Variants in SLC2A9 observed in about 807,000 individuals in gnomAD.
SLC2A9 encodes the protein solute carrier family 2, facilitated glucose transporter member 9.
In SLC2A9, 39 loss-of-function variants were observed where a neutral mutation model predicts 50.6. The observed-to-expected ratio is 0.77, with a 90% CI of 0.60 to 1.01. The LOEUF (loss-of-function observed/expected upper bound fraction) is 1.01. Ranked by LOEUF, SLC2A9 falls within the 50% of genes least tolerant of loss-of-function variation. The probability of loss-of-function intolerance (pLI) is 0.00; values close to 1 mark genes in which losing one functional copy is unlikely to be tolerated. For missense variants in SLC2A9, 686 were observed against 677.6 expected (o/e 1.01, Z -0.14); for synonymous variants, 324 against 276.9 (o/e 1.17, Z -1.69).
At chr4:9,851,826 A>C in intron 10 of SLC2A9, among the ~76,000 whole-genome samples, 1 of 152,240 alleles carries the variant, frequency 6.6e-6, no homozygotes. Flanking sequence ...AAAATCTCAG[A>C]GCTTGAAGAC....
downstream of SLC2A9, among the ~76,000 whole-genome samples, chr4:9,778,812 T>C (rs116731960): frequency 0.02 from 3,054 of 152,184 alleles, 103 homozygotes; most frequent in African/African-American, 0.07. Context: ...GTTTCTTTTT[T>C]TTTCTTTCTT....
Position 9,853,181 on chromosome 4 carries a change from A to G in SLC2A9, c.1292-18173T>C, listed in dbSNP as rs564868716. On this transcript the variant is annotated intron_variant, in intron 10 of 11. Coordinates refer to ENST00000264784, the MANE Select transcript of SLC2A9 (RefSeq NM_020041.3). ...ACAGAGTGAAACTCCCTCTCAAAAAAAAAAAAAAAAAAGGCACAGAGTGAC... is the reference window on the plus strand; with the variant it reads ...ACAGAGTGAAACTCCCTCTCAAAAAGAAAAAAAAAAAAGGCACAGAGTGAC... 6.6e-5 allele frequency among the ~76,000 whole-genome samples: 10 copies of G among 151,802 alleles called. No homozygotes were observed. In the South Asian group the frequency reaches 2.1e-3, roughly 31 times the overall value.
At chr4:10,001,881 G>A (rs1367731379) in intron 2 of SLC2A9, among the ~76,000 whole-genome samples, 6 of 152,174 alleles carry the variant, frequency 3.9e-5, no homozygotes, top group African/African-American at 1.4e-4. Flanking sequence ...GGGAAACAAA[G>A]GACACATAAC....
rs117301982 is a variant in SLC2A9, at chr4:9,904,392, C to T, written c.1113+3843G>A. 3.8e-3 allele frequency among the ~76,000 whole-genome samples: 575 copies of T among 152,276 alleles called. 6 individuals are homozygous for T. The highest frequency in any genetic ancestry group is 0.017 in the South Asian group (81 of 4,822). On this transcript the variant is annotated intron_variant, in intron 8 of 11. Coordinates refer to ENST00000264784, the MANE Select transcript of SLC2A9 (RefSeq NM_020041.3). ...TTCAAAGCTGGCAATGGCGTCACTC[C>T]TGCCTCTGCTTCCACCATCACATCT...
At chr4:9,948,898 CT>C (rs2108825726) in intron 5 of SLC2A9, among the ~76,000 whole-genome samples, 1 of 152,340 alleles carries the variant, frequency 6.6e-6, no homozygotes, top group East Asian at 1.9e-4. Flanking sequence ...GATTCCAAAT[CT>C]TCATGTCCAT....
downstream of SLC2A9, among the ~76,000 whole-genome samples, chr4:9,795,479 G>T (rs1185781995): frequency 6.6e-6 from 1 of 152,138 alleles, no homozygotes; most frequent in African/African-American, 2.4e-5. Flanking sequence ...TCAATCTTAT[G>T]CCCCAAGTCC....
At chr4:9,786,124 T>C (rs575623570) in intron 3 of SLC2A9, among the ~76,000 whole-genome samples, 99 of 152,242 alleles carry the variant, frequency 6.5e-4, no homozygotes, top group East Asian at 4.6e-3. Flanking sequence ...ATAGGATTAA[T>C]GTTAATTGCT....
At chr4:10,025,314 G>A (rs376459362), upstream of SLC2A9, among the ~76,000 whole-genome samples, 46 of 152,088 alleles carry the variant, frequency 3.0e-4, no homozygotes, top group African/African-American at 2.7e-4. Flanking sequence ...TCAGTTCATC[G>A]CCTGTAAAAT....
intron 5 of SLC2A9, among the ~76,000 whole-genome samples, chr4:9,942,303 C>A (rs751932238): frequency 6.6e-6 from 1 of 152,200 alleles, no homozygotes; most frequent in Admixed American, 6.5e-5. Context: ...GAAAAGCAGG[C>A]GGCTCTGGTT....
intron 3 of SLC2A9, among the ~76,000 whole-genome samples, chr4:9,989,746 CA>C (rs1757362660): frequency 6.6e-6 from 1 of 152,106 alleles, no homozygotes; most frequent in African/African-American, 2.4e-5. Flanking sequence ...CCCTCGCCTG[CA>C]AAGTCCTCAG....
intron 1 of SLC2A9, chr4:10,036,279 C>T (rs949890705): frequency 4.6e-5 from 7 of 152,094 alleles, no homozygotes; most frequent in Admixed American, 6.5e-5. Context: ...TACACATTTC[C>T]GTAAACCTGA....
At chr4:9,903,750 G>A (rs987383672) in intron 8 of SLC2A9, among the ~76,000 whole-genome samples, 3 of 150,158 alleles carry the variant, frequency 2.0e-5, no homozygotes, top group Non-Finnish European at 4.4e-5. Flanking sequence ...ATATTTGTGT[G>A]TTTATTACAT....
intron 3 of SLC2A9, among the ~76,000 whole-genome samples, chr4:9,785,883 C>T (rs1310696546): frequency 6.6e-6 from 1 of 152,074 alleles, no homozygotes; most frequent in Admixed American, 6.5e-5. Context: ...GCAAAAAAAC[C>T]CAGGGTGAGT....
At chr4:9,877,614 T>C (rs1577658464) in intron 10 of SLC2A9, among the ~76,000 whole-genome samples, 1 of 152,174 alleles carries the variant, frequency 6.6e-6, no homozygotes, top group East Asian at 1.9e-4. Flanking sequence ...CATTCCCAGG[T>C]CTGTCTCTTC....
intron 5 of SLC2A9, among the ~76,000 whole-genome samples, chr4:9,946,825 C>T (rs1032776283): frequency 1.3e-5 from 2 of 152,184 alleles, no homozygotes; most frequent in Admixed American, 6.5e-5. Flanking sequence ...TATTTCCCTG[C>T]CCCATTCTAG....
intron 2 of SLC2A9, among the ~76,000 whole-genome samples, chr4:10,008,708 T>C (rs1362764573): frequency 6.6e-6 from 1 of 152,206 alleles, no homozygotes; most frequent in Non-Finnish European, 1.5e-5. Flanking sequence ...GTTTTGACTG[T>C]GTTCAGGCCC....
chr4:9,797,347 A>T (rs1720712934), downstream of SLC2A9, among the ~76,000 whole-genome samples: 1 of 152,224 alleles, frequency 6.6e-6, no homozygotes, highest in Admixed American at 6.5e-5. Context: ...CATGGCTAGA[A>T]AATGGCTAAG....
chr4:9,983,750 A>C (rs1194651281), intron 4 of SLC2A9, among the ~76,000 whole-genome samples: 3 of 152,266 alleles, frequency 2.0e-5, no homozygotes, highest in Non-Finnish European at 4.4e-5. Context: ...TTTAAGAGAC[A>C]GGGTTTCGCT....
chr4:9,916,370 G>A lies in SLC2A9; in HGVS notation c.1002+4015C>T, dbSNP rs528363141. 2.0e-5 allele frequency among the ~76,000 whole-genome samples: 3 copies of A among 152,342 alleles called. No homozygotes were observed. The South Asian group carries it at 6.2e-4, about 32-fold the overall frequency. ...ATGGCTCATTCACAGCTGGCACTCTGATCCTCTTTGCTCTTCTTTTACATC... is the reference window on the plus strand; with the variant it reads ...ATGGCTCATTCACAGCTGGCACTCTAATCCTCTTTGCTCTTCTTTTACATC... On this transcript the variant is annotated intron_variant, in intron 7 of 11. Transcript: ENST00000264784.
Sources: allele counts gnomAD v4.1 joint callset (sites outside exome capture counted in the v4.1 genomes callset), GRCh38; gene constraint gnomAD v4.1.1; transcripts MANE v1.5; gene names NCBI Gene and HGNC (gene_info 2026-07-23, HGNC 2026-07-21).